SEZ6L: variants seen among roughly 807,000 people sequenced by gnomAD.
SEZ6L encodes the protein seizure 6-like protein.
A neutral mutation model predicts 106.2 loss-of-function variants in SEZ6L; 37 were observed. That is an observed-to-expected ratio of 0.35 (90% CI 0.27 to 0.46). The LOEUF is 0.46. Among genes scored for constraint, SEZ6L ranks in the 20% least tolerant of loss-of-function variants. The pLI is 1.00. For missense variants in SEZ6L, 1,172 were observed against 1,332.8 expected (o/e 0.88, Z 1.88); for synonymous variants, 541 against 570.4 (o/e 0.95, Z 0.73).
At chr22:26,220,204 A>G (rs182671077) in intron 1 of SEZ6L, among the ~76,000 whole-genome samples, 1 of 152,338 alleles carries the variant, frequency 6.6e-6, no homozygotes, top group Admixed American at 6.5e-5. Flanking sequence ...TATCTGCAAA[A>G]TGGACATCAT....
Position 26,372,191 on chromosome 22 carries a change from C to A in SEZ6L, c.2795-1260C>A, listed in dbSNP as rs142841834. 3.9e-3 allele frequency among the ~76,000 whole-genome samples: 590 copies of A among 152,290 alleles called. 2 individuals are homozygous for A. Among genetic ancestry groups the A allele is most frequent in the Non-Finnish European group, 6.5e-3 (445 of 68,034 alleles). On this transcript the variant is annotated intron_variant, in intron 13 of 16. Transcript: ENST00000248933. ...CAGAACTGCTGAGGCATTGGTGAGA[C>A]CTGCAGAGGTCCACCGCTGAGAATA... is the stretch of plus-strand genomic sequence containing the variant.
Position 26,187,953 on chromosome 22 carries a change from G to A in SEZ6L, c.94+18190G>A, listed in dbSNP as rs530158722. On this transcript the variant is annotated intron_variant, in intron 1 of 16. Coordinates refer to ENST00000248933, the MANE Select transcript of SEZ6L (RefSeq NM_021115.5). The stretch of plus-strand genomic sequence containing the variant: ...CCCTGTCATTTTGATTTAAAGCCGG[G>A]GAAGTGGGGCTGATCCCTAGAGAGG... 3.5e-3 allele frequency among the ~76,000 whole-genome samples: 526 copies of A among 152,322 alleles called. 2 individuals carry two copies. Among genetic ancestry groups the A allele is most frequent in the Non-Finnish European group, 4.6e-3 (314 of 68,034 alleles).
chr22:26,237,688 A>G (rs998523699), intron 1 of SEZ6L, among the ~76,000 whole-genome samples: 1 of 152,250 alleles, frequency 6.6e-6, no homozygotes, highest in African/African-American at 2.4e-5. Flanking sequence ...TGGACAATGC[A>G]TAGTGGGTGG....
intron 1 of SEZ6L, among the ~76,000 whole-genome samples, chr22:26,252,169 C>T (rs1234705631): frequency 6.6e-6 from 1 of 152,044 alleles, no homozygotes. Flanking sequence ...CCAGGTGTCT[C>T]ATGTGCACAT....
At position 26,255,266 on chromosome 22, in the gene SEZ6L, C is replaced by CA. The variant is rs1342461972; in HGVS notation, c.95-37139dup. ...AAGACTTATCCGTCTAAGGCCCAGG[C>CA]ATCTGCATTTACAAACTTGCCTTTT... On this transcript the variant is annotated intron_variant, in intron 1 of 16. Transcript: ENST00000248933. Among the ~76,000 whole-genome samples the CA allele has an allele frequency of 2.0e-5, 3 of 152,146 alleles. No individual in the cohort carries two copies. The East Asian group carries it at 5.8e-4, about 29-fold the overall frequency.
intron 1 of SEZ6L, among the ~76,000 whole-genome samples, chr22:26,248,400 G>A (rs967851290): frequency 2.0e-5 from 3 of 152,172 alleles, no homozygotes; most frequent in Non-Finnish European, 4.4e-5. Context: ...TTTTGCTCCA[G>A]CTGGAGTGCA....
At chr22:26,370,714 GA>G (rs1354292685) in intron 13 of SEZ6L, among the ~76,000 whole-genome samples, 2 of 151,098 alleles carry the variant, frequency 1.3e-5, no homozygotes, top group South Asian at 2.1e-4. Context: ...AAAAAGAAAA[GA>G]AAAAAAGGCT....
chr22:26,214,358 T>C (rs920882328), intron 1 of SEZ6L, among the ~76,000 whole-genome samples: 3 of 152,184 alleles, frequency 2.0e-5, no homozygotes, highest in African/African-American at 7.2e-5. Context: ...AAGTATTTCA[T>C]GCAGGGCCCG....
chr22:26,254,294 G>C (rs1343763553), intron 1 of SEZ6L, among the ~76,000 whole-genome samples: 1 of 152,006 alleles, frequency 6.6e-6, no homozygotes, highest in Non-Finnish European at 1.5e-5. Context: ...AGCAAAAGTT[G>C]TATACACAAA....
chr22:26,210,969 G>T (rs1413217149), intron 1 of SEZ6L, among the ~76,000 whole-genome samples: 1 of 152,192 alleles, frequency 6.6e-6, no homozygotes, highest in Non-Finnish European at 1.5e-5. Flanking sequence ...GCAGTAGCCT[G>T]CCCCTTAATT....
chr22:26,343,574 C>T (rs2082913909), intron 10 of SEZ6L, among the ~76,000 whole-genome samples: 1 of 152,074 alleles, frequency 6.6e-6, no homozygotes, highest in Non-Finnish European at 1.5e-5. Flanking sequence ...CCCTTGACAC[C>T]TCCTATATGC....
intron 11 of SEZ6L, 87 bp from the exon 12 acceptor site, chr22:26,350,965 A>T: frequency 7.1e-7 from 1 of 1,415,368 alleles, no homozygotes; most frequent in South Asian, 1.4e-5. Flanking sequence ...CAAGTTAGGA[A>T]ACTTTCTAGA....
chr22:26,331,951 C>T (rs2082493029), intron 9 of SEZ6L, among the ~76,000 whole-genome samples: 1 of 151,890 alleles, frequency 6.6e-6, no homozygotes, highest in African/African-American at 2.4e-5. Flanking sequence ...TGCCACTGCA[C>T]TCCAGCCCGG....
intron 1 of SEZ6L, among the ~76,000 whole-genome samples, chr22:26,224,717 G>A (rs2078586030): frequency 6.6e-6 from 1 of 152,204 alleles, no homozygotes; most frequent in African/African-American, 2.4e-5. Context: ...CTGGCAGGAA[G>A]TGCTAATAGA....
chr22:26,223,872 C>T (rs2078559021), intron 1 of SEZ6L, among the ~76,000 whole-genome samples: 1 of 152,148 alleles, frequency 6.6e-6, no homozygotes, highest in Admixed American at 6.5e-5. Context: ...TTGGGGAATA[C>T]TAGGCATTTG....
intron 1 of SEZ6L, among the ~76,000 whole-genome samples, chr22:26,225,040 T>C (rs573854403): frequency 6.6e-6 from 1 of 152,178 alleles, no homozygotes; most frequent in Non-Finnish European, 1.5e-5. Context: ...TCTTAACAAA[T>C]GAAAAAAATC....
intron 5 of SEZ6L, among the ~76,000 whole-genome samples, chr22:26,304,131 A>G (rs574776399): frequency 1.3e-5 from 2 of 152,138 alleles, no homozygotes; most frequent in African/African-American, 4.8e-5. Context: ...AGGCAGGTGG[A>G]TCACGAGGTC....
intron 1 of SEZ6L, among the ~76,000 whole-genome samples, chr22:26,182,746 T>C (rs908240131): frequency 2.0e-5 from 3 of 151,854 alleles, no homozygotes; most frequent in African/African-American, 4.8e-5. Context: ...CTTCCCAATT[T>C]AAGGTATGTT....
intron 10 of SEZ6L, among the ~76,000 whole-genome samples, chr22:26,342,923 T>G (rs777128514): frequency 3.3e-5 from 5 of 152,212 alleles, no homozygotes; most frequent in Admixed American, 2.0e-4. Flanking sequence ...CCTGGCATTT[T>G]TATTTCCAGA....
Sources: gnomAD v4.1 joint callset for allele counts (sites outside exome capture counted in the v4.1 genomes callset) on GRCh38, gnomAD v4.1.1 for gene constraint, MANE v1.5 for transcripts, NCBI Gene and HGNC (gene_info 2026-07-23, HGNC 2026-07-21) for gene names.